Variants in PTPRG observed in about 807,000 individuals in gnomAD.
PTPRG encodes the protein receptor-type tyrosine-protein phosphatase gamma.
Under a neutral mutation model 165.3 loss-of-function variants are expected in PTPRG, and 102 were observed. The observed-to-expected ratio is 0.62, with a 90% confidence interval of 0.53 to 0.73. PTPRG has a LOEUF of 0.73. Among genes scored for constraint, PTPRG ranks in the 30% least tolerant of loss-of-function variants. The pLI, the probability that PTPRG is intolerant of heterozygous loss-of-function variation, is 0.00. For missense variants in PTPRG, 1,866 were observed against 1,861.4 expected, an observed-to-expected ratio of 1.00 and a Z score of -0.05; for synonymous variants, 675 against 669.5, an observed-to-expected ratio of 1.01 and a Z score of -0.13.
chr3:61,735,532 T>G (rs972787717), intron 1 of PTPRG, among the ~76,000 whole-genome samples: 5 of 150,738 alleles, frequency 3.3e-5, no homozygotes, highest in Non-Finnish European at 5.9e-5. Flanking sequence ...TCCTTGAGTT[T>G]TTTTTTTTTT....
chr3:62,062,546 T>C (rs754687853), intron 4 of PTPRG, among the ~76,000 whole-genome samples: 2 of 152,164 alleles, frequency 1.3e-5, no homozygotes, highest in African/African-American at 4.8e-5. Context: ...CATATGTAAA[T>C]GAATTCCCTA....
At chr3:61,641,145 C>G (rs1212681910) in intron 1 of PTPRG, among the ~76,000 whole-genome samples, 1 of 152,168 alleles carries the variant, frequency 6.6e-6, no homozygotes, top group African/African-American at 2.4e-5. Context: ...CTCTTAAATA[C>G]TCTCAGTTCT....
At chr3:61,833,699 A>G (rs2036376053) in intron 2 of PTPRG, among the ~76,000 whole-genome samples, 1 of 151,968 alleles carries the variant, frequency 6.6e-6, no homozygotes. Flanking sequence ...AGTAGCTGGA[A>G]CTACAGGTAC....
chr3:61,798,619 G>GTTT (rs375412571), intron 2 of PTPRG, among the ~76,000 whole-genome samples: 46,961 of 127,500 alleles, frequency 0.37, 8,726 homozygotes, highest in Middle Eastern at 0.45. Context: ...GTTGCTGCTG[G>GTTT]TTTTTTTTTT....
chr3:61,867,146 A>G (rs887625742), intron 2 of PTPRG, among the ~76,000 whole-genome samples: 7 of 152,298 alleles, frequency 4.6e-5, no homozygotes, highest in African/African-American at 1.7e-4. Context: ...TCTTGTCGCT[A>G]TGATTCAGCA....
chr3:61,727,777 CTAAA>C (rs2032325226), intron 1 of PTPRG, among the ~76,000 whole-genome samples: 1 of 152,204 alleles, frequency 6.6e-6, no homozygotes, highest in South Asian at 2.1e-4. Flanking sequence ...TTCTAGGTAA[CTAAA>C]TAATTTAAGG....
In PTPRG at chr3:61,972,826, A is replaced by ATT. The variant is rs35221319; in HGVS notation, c.191-16787_191-16786dup. On this transcript the variant is annotated intron_variant, in intron 2 of 29. Coordinates refer to ENST00000474889, the MANE Select transcript of PTPRG (RefSeq NM_002841.4). ...TGCCACCATGCCCAGCTAATTTTTA[A>ATT]TTTTTTTTTTTTTGTAGAGACAGGG... is the stretch of plus-strand genomic sequence containing the variant. 4.3e-3 allele frequency among the ~76,000 whole-genome samples: 627 copies of ATT among 144,552 alleles called. 5 individuals are homozygous for ATT. Among genetic ancestry groups the ATT allele is most frequent in the African/African-American group, 0.014 (559 of 38,956 alleles). The allele number at this position is 144,552 out of a possible 152,430, so 94.8% of individuals were successfully genotyped here. A position where few individuals can be genotyped will look rare whatever the true frequency, so the allele number is the denominator to read the frequency against.
chr3:61,715,079 G>A (rs2031745027), intron 1 of PTPRG, among the ~76,000 whole-genome samples: 1 of 152,180 alleles, frequency 6.6e-6, no homozygotes, highest in Admixed American at 6.5e-5. Flanking sequence ...CAGAGGCTGG[G>A]AAGTGAGTGC....
chr3:61,811,612 C>T, intron 2 of PTPRG, among the ~76,000 whole-genome samples: 1 of 152,114 alleles, frequency 6.6e-6, no homozygotes, highest in African/African-American at 2.4e-5. Context: ...TTCCATCATG[C>T]CTGAGTTCTA....
intron 1 of PTPRG, among the ~76,000 whole-genome samples, chr3:61,643,297 G>GAGAC (rs1470505601): frequency 6.6e-6 from 1 of 152,114 alleles, no homozygotes; most frequent in East Asian, 1.9e-4. Flanking sequence ...GAGAGAGACA[G>GAGAC]AGACAGACAG....
chr3:62,018,153 G>A (rs1045719861), intron 4 of PTPRG, among the ~76,000 whole-genome samples: 20 of 152,306 alleles, frequency 1.3e-4, no homozygotes, highest in African/African-American at 4.6e-4. Flanking sequence ...AGACAAGCAA[G>A]CTCCTTGACC....
rs56082401 is a variant in PTPRG, at chr3:62,130,938, ATT to A, written c.616-1653_616-1652del. On this transcript the variant is annotated intron_variant, in intron 5 of 29. Coordinates refer to ENST00000474889, the MANE Select transcript of PTPRG (RefSeq NM_002841.4). ...TGATACACTGGGTTCCTATTCACTGATTTTTTTTTTTTATCTGTAATGTTTAC... is the reference window on the plus strand; with the variant it reads ...TGATACACTGGGTTCCTATTCACTGATTTTTTTTTTATCTGTAATGTTTAC... Among the ~76,000 whole-genome samples the A allele has an allele frequency of 3.3e-3, 483 of 148,064 alleles. 3 individuals carry two copies. The highest frequency in any genetic ancestry group is 0.028 in the Middle Eastern group (8 of 284).
intron 1 of PTPRG, among the ~76,000 whole-genome samples, chr3:61,566,288 TC>T (rs1379393984): frequency 6.6e-6 from 1 of 152,258 alleles, no homozygotes; most frequent in Admixed American, 6.5e-5. Context: ...CATGAAGCGA[TC>T]CAGCGAATGC....
chr3:62,188,411 C>T (rs967950218), intron 8 of PTPRG, among the ~76,000 whole-genome samples: 22 of 152,148 alleles, frequency 1.4e-4, no homozygotes, highest in Non-Finnish European at 2.8e-4. Flanking sequence ...GTGCCATCCA[C>T]ATCCTATTCT....
rs115079501 is a variant in PTPRG at position 62,201,390 on chromosome 3, A to C, written c.1328-115A>C. On this transcript the variant is annotated intron_variant, in intron 10 of 29. Transcript: ENST00000474889. ...TAAATGGTTGGAAAAAATCTACAGAATAATATTTTGACATGTGAAAATTAT... is the reference window on the plus strand; with the variant it reads ...TAAATGGTTGGAAAAAATCTACAGACTAATATTTTGACATGTGAAAATTAT... The C allele has an allele frequency of 3.9e-3, 3,320 of 845,280 alleles. 30 individuals are homozygous for C. The highest frequency in any genetic ancestry group is 0.034 in the African/African-American group (2,005 of 58,186). The allele number at this position is 845,280 out of a possible 1,614,324, so 52.4% of individuals were successfully genotyped here. A position where few individuals can be genotyped will look rare whatever the true frequency, so the allele number is the denominator to read the frequency against.
intron 1 of PTPRG, among the ~76,000 whole-genome samples, chr3:61,589,990 A>G (rs1048015103): frequency 1.3e-5 from 2 of 152,222 alleles, no homozygotes; most frequent in African/African-American, 2.4e-5. Flanking sequence ...GCCAGAGATG[A>G]TGCTAGGAGC....
At chr3:62,059,410 G>C (rs1352206642) in intron 4 of PTPRG, among the ~76,000 whole-genome samples, 1 of 152,224 alleles carries the variant, frequency 6.6e-6, no homozygotes, top group Non-Finnish European at 1.5e-5. Context: ...CCATAAAACA[G>C]ATCAGGAATG....
At chr3:61,829,384 C>T (rs944973387) in intron 2 of PTPRG, among the ~76,000 whole-genome samples, 3 of 152,236 alleles carry the variant, frequency 2.0e-5, no homozygotes, top group Non-Finnish European at 4.4e-5. Context: ...TTTCTGTTTC[C>T]GTGGCCAGGG....
At chr3:61,637,958 T>G (rs1701961024) in intron 1 of PTPRG, among the ~76,000 whole-genome samples, 1 of 152,206 alleles carries the variant, frequency 6.6e-6, no homozygotes, top group Middle Eastern at 3.2e-3. Flanking sequence ...GTGTGTAATC[T>G]TAGCATGATA....
Sources: allele counts gnomAD v4.1 joint callset (sites outside exome capture counted in the v4.1 genomes callset), GRCh38; gene constraint gnomAD v4.1.1; transcripts MANE v1.5; gene names NCBI Gene and HGNC (gene_info 2026-07-23, HGNC 2026-07-21).